Variants in TAF4 observed in about 807,000 individuals in gnomAD.
TAF4 encodes transcription initiation factor TFIID subunit 4.
Under a neutral mutation model 90.3 loss-of-function variants are expected in TAF4, and 9 were observed. The ratio of observed to expected loss-of-function variants is 0.10; its 90% CI spans 0.06 to 0.17. The LOEUF is 0.17. TAF4 is among the 10% of genes least tolerant of loss of function. TAF4 has a pLI of 1.00. For synonymous variants in TAF4, 818 were observed against 638.9 expected (o/e 1.28, Z -4.23); for missense variants, 1,351 against 1,370.7 (o/e 0.99, Z 0.23).
At chr20:62,009,951 G>A in intron 4 of TAF4, 95 bp downstream of exon 4, 1 of 1,578,158 alleles carries the variant, frequency 6.3e-7, no homozygotes, top group Non-Finnish European at 8.6e-7. Context: ...TGAGCGGTCT[G>A]GGACAGAAGC....
At chr20:62,014,742 A>G in intron 1 of TAF4, 35 bp from the exon 2 acceptor site, 1 of 1,609,752 alleles carries the variant, frequency 6.2e-7, no homozygotes, top group Non-Finnish European at 8.5e-7. Flanking sequence ...CAGGAACGCA[A>G]CCACCCCAGA....
intron 1 of TAF4, among the ~76,000 whole-genome samples, chr20:62,016,158 G>A (rs1005952006): frequency 5.3e-5 from 8 of 152,326 alleles, no homozygotes; most frequent in South Asian, 2.1e-4. Flanking sequence ...GAGCTGCTGC[G>A]CGTAACGAGG....
chr20:61,986,245 C>T (rs1350242565), intron 14 of TAF4, among the ~76,000 whole-genome samples: 41 of 117,092 alleles, frequency 3.5e-4, no homozygotes, highest in African/African-American at 1.2e-3. Context: ...CCATCCCCAA[C>T]CAAAGGAAAC....
chr20:61,986,169 C>T (rs2055591262), intron 14 of TAF4, among the ~76,000 whole-genome samples: 1 of 125,496 alleles, frequency 8.0e-6, no homozygotes, highest in Admixed American at 7.7e-5. Context: ...AAAGGAAACA[C>T]CATCCCCCAT....
At chr20:62,037,598 G>A (rs2055940107) in intron 1 of TAF4, 1 of 152,934 alleles carries the variant, frequency 6.5e-6, no homozygotes, top group South Asian at 2.0e-4. Context: ...AAGTCCCACA[G>A]CGCATCCTGG....
At chr20:62,043,615 G>A (rs903996754) in intron 1 of TAF4, among the ~76,000 whole-genome samples, 3 of 152,022 alleles carry the variant, frequency 2.0e-5, no homozygotes, top group East Asian at 3.9e-4. Context: ...CTACACAGAT[G>A]CACCATTTTT....
rs760589070 is a variant in TAF4 at position 62,010,119 on chromosome 20, G to A, written c.1688C>T (p.Thr563Met). The A allele has an allele frequency of 1.1e-5, 17 of 1,613,758 alleles. No homozygotes were observed. The highest frequency in any genetic ancestry group is 3.3e-5 in the South Asian group (3 of 91,074). ...GGAAQTASLGTATAVQTGTPQ... is the reference protein window; with the variant it reads ...GGAAQTASLGMATAVQTGTPQ... ...AGTCCCCGTCTGAACAGCCGTCGCC[G>A]TCCCAAGTGAAGCCGTCTGGGCAGC... The change falls in exon 4 of 15, where the codon ACG becomes ATG. Residue 563 changes from threonine to methionine, a missense_variant. By Grantham distance (81) the Thr-to-Met change is moderately conservative. This residue lies in a region of TAF4 where 143 missense variants were observed against 176.3 expected (regional missense o/e 0.81). Coordinates refer to ENST00000252996, the MANE Select transcript of TAF4 (RefSeq NM_003185.4). This position sits in a 1 kb window ranked among gnomAD's most constrained non-coding sequence, Gnocchi z 4.5.
chr20:62,064,149 G>T (rs2056106668), intron 1 of TAF4, among the ~76,000 whole-genome samples: 1 of 152,224 alleles, frequency 6.6e-6, no homozygotes, highest in African/African-American at 2.4e-5. Flanking sequence ...GAGCAGGTAA[G>T]GACCACTCCA....
chr20:61,999,036 C>T lies in TAF4; in HGVS notation c.2860G>A (p.Glu954Lys). 1 of 1,614,114 alleles carries T rather than the reference C, an allele frequency of 6.2e-7. No homozygotes were observed. The highest frequency in any genetic ancestry group is 8.5e-7 in the Non-Finnish European group (1 of 1,180,042). Reference protein sequence around the residue: ...LKFFEQLDQIEKQRKDEQERE... With the variant: ...LKFFEQLDQIKKQRKDEQERE... ...TCCTGCTCATCCTTCCTCTGCTTTT[C>T]GATTTGATCAAGCTGTTCAAAAAAC... The change falls in exon 12 of 15, where the codon GAA becomes AAA. Residue 954 changes from glutamate (E) to lysine (K), a missense_variant. Physicochemically the swap from Glu to Lys is moderately conservative, Grantham distance 56. This residue lies in a region of TAF4 where 95 missense variants were observed against 151.3 expected (regional missense o/e 0.63). Transcript: ENST00000252996.
chr20:61,979,803 C>A (rs1247660916), intron 14 of TAF4, among the ~76,000 whole-genome samples: 1 of 147,872 alleles, frequency 6.8e-6, no homozygotes, highest in East Asian at 2.1e-4. Flanking sequence ...CATGTGCAGG[C>A]GCCGTGGCCA....
chr20:62,014,047 T>G (rs905212396), intron 2 of TAF4, among the ~76,000 whole-genome samples: 3 of 102,022 alleles, frequency 2.9e-5, no homozygotes, highest in South Asian at 6.9e-4. Context: ...TGTGTGTGTA[T>G]GTGTGTGTGT....
intron 1 of TAF4, among the ~76,000 whole-genome samples, chr20:62,026,757 C>T (rs1252417224): frequency 6.6e-6 from 1 of 152,210 alleles, no homozygotes; most frequent in Non-Finnish European, 1.5e-5. Flanking sequence ...CCAACCCACC[C>T]ACGGCTTGCT....
At chr20:62,044,367 C>T (rs550826154) in intron 1 of TAF4, among the ~76,000 whole-genome samples, 21 of 152,130 alleles carry the variant, frequency 1.4e-4, no homozygotes, top group African/African-American at 3.9e-4. Flanking sequence ...TGTATGCATG[C>T]GAGTATGTGT....
At position 62,065,386 on chromosome 20, in the gene TAF4, G is replaced by A; in HGVS notation, c.425C>T (p.Ala142Val). 1 of 972,742 alleles carries A rather than the reference G, an allele frequency of 1.0e-6. No individual in the cohort carries two copies. Among genetic ancestry groups the A allele is most frequent in the Non-Finnish European group, 1.2e-6 (1 of 823,318 alleles). The allele number at this position is 972,742 out of a possible 1,614,324, so 60.3% of individuals were successfully genotyped here. The stretch of plus-strand genomic sequence containing the variant: ...GGGCCCCGCGGCGACGGCGGCGGCG[G>A]CGGGCACCGGGGCGCAGGACCCCGC... Reference protein sequence around the residue: ...GSAGSCAPVPAAAAVAAGPEP... With the variant: ...GSAGSCAPVPVAAAVAAGPEP... Residue 142 changes from alanine (A) to valine (V), a missense_variant, in exon 1 of 15, where the codon GCC (alanine) becomes GTC (valine). By Grantham distance (64) the Ala-to-Val change is moderately conservative. Around this residue, in one of 9 missense-constraint regions of TAF4, gnomAD observed 782 missense variants for 536.6 expected, o/e 1.46. Coordinates refer to ENST00000252996, the MANE Select transcript of TAF4 (RefSeq NM_003185.4).
intron 1 of TAF4, among the ~76,000 whole-genome samples, chr20:62,047,520 C>T (rs1255860364): frequency 6.6e-6 from 1 of 152,152 alleles, no homozygotes. Flanking sequence ...CGAGACCCTC[C>T]CCACCCCCGC....
At chr20:62,011,750 G>A (rs989255233) in intron 3 of TAF4, among the ~76,000 whole-genome samples, 2 of 152,210 alleles carry the variant, frequency 1.3e-5, no homozygotes, top group African/African-American at 4.8e-5. Context: ...CTGTGGCACT[G>A]AGGCAAGGAC....
intron 1 of TAF4, among the ~76,000 whole-genome samples, chr20:62,035,440 C>T (rs1228213951): frequency 6.6e-6 from 1 of 152,112 alleles, no homozygotes; most frequent in Non-Finnish European, 1.5e-5. Flanking sequence ...TACAGACGGG[C>T]CATGGAGACC....
chr20:61,979,999 T>G (rs1431951288), intron 14 of TAF4: 1 of 152,662 alleles, frequency 6.6e-6, no homozygotes, highest in South Asian at 2.0e-4. Flanking sequence ...GGCCTCGGCC[T>G]AAACAACTCC....
chr20:62,010,047 G>A lies in TAF4; in HGVS notation c.1760C>T (p.Thr587Met), dbSNP rs138514506. The A allele has an allele frequency of 8.7e-6, 14 of 1,613,268 alleles. No homozygotes were observed. In the African/African-American group the frequency reaches 1.3e-4, roughly 15 times the overall value. Residue 587 changes from threonine (T) to methionine (M), a missense_variant and splice_region_variant, in exon 4 of 15, where the codon ACG (threonine) becomes ATG (methionine). Physicochemically the swap from Thr to Met is moderately conservative, Grantham distance 81 (BLOSUM62 -1). Transcript: ENST00000252996. This position sits in a 1 kb window ranked among gnomAD's most constrained non-coding sequence, Gnocchi z 4.5. ...PGATTTSSAA[T>M]ETMENVKKCK... is the part of the protein sequence containing the mutation. ...GGCACGGAAAGGAGTGGCTCTTACC[G>A]TGGCAGCTGAGGAAGTGGTGGTCGC...
Sources: allele counts gnomAD v4.1 joint callset (sites outside exome capture counted in the v4.1 genomes callset), GRCh38; gene constraint gnomAD v4.1.1; regional missense constraint gnomAD v4.1.1; non-coding constraint Gnocchi (gnomAD v3.1); transcripts MANE v1.5; gene names NCBI Gene and HGNC (gene_info 2026-07-23, HGNC 2026-07-21).